The following CTNNA3 variants were observed in gnomAD, a reference collection of about 807,000 sequenced individuals.
CTNNA3 encodes the protein catenin alpha 3, also known as catenin alpha-3.
CTNNA3 carries 76 observed loss-of-function variants against 95.7 expected under a neutral mutation model. The ratio of observed to expected loss-of-function variants is 0.79; its 90% CI spans 0.66 to 0.96. CTNNA3 has a LOEUF of 0.96. Among genes scored for constraint, CTNNA3 ranks in the 40% least tolerant of loss-of-function variants. The pLI is 0.00. For synonymous variants in CTNNA3, 431 were observed against 374.4 expected (o/e 1.15, Z -1.74); for missense variants, 1,191 against 1,089.8 (o/e 1.09, Z -1.31).
At chr10:66,053,164 T>C (rs2079998732) in intron 15 of CTNNA3, among the ~76,000 whole-genome samples, 1 of 152,040 alleles carries the variant, frequency 6.6e-6, no homozygotes. Context: ...TGGTTTAGAA[T>C]ACACATTATC....
chr10:65,947,670 ATTAAAC>A, intron 17 of CTNNA3, among the ~76,000 whole-genome samples: 1 of 152,360 alleles, frequency 6.6e-6, no homozygotes, highest in East Asian at 1.9e-4. Flanking sequence ...ACCAACCTGT[ATTAAAC>A]TTAAACGCAA....
intron 15 of CTNNA3, among the ~76,000 whole-genome samples, chr10:66,022,010 C>T (rs917483458): frequency 6.6e-5 from 10 of 151,660 alleles, no homozygotes; most frequent in African/African-American, 2.2e-4. Context: ...GTGCCACCAC[C>T]CCTGGCCTAT....
chr10:66,210,991 G>T (rs2088117974), intron 13 of CTNNA3, among the ~76,000 whole-genome samples: 1 of 152,132 alleles, frequency 6.6e-6, no homozygotes, highest in East Asian at 1.9e-4. Flanking sequence ...CTCTCTGGGG[G>T]CATCTATAGG....
At chr10:67,264,698 C>T (rs1374075411) in intron 5 of CTNNA3, among the ~76,000 whole-genome samples, 1 of 152,116 alleles carries the variant, frequency 6.6e-6, no homozygotes, top group African/African-American at 2.4e-5. Flanking sequence ...CTCTTCTTCT[C>T]ATTATAGATA....
intron 3 of CTNNA3, among the ~76,000 whole-genome samples, chr10:67,555,352 C>A (rs1841200900): frequency 6.6e-6 from 1 of 152,118 alleles, no homozygotes; most frequent in African/African-American, 2.4e-5. Flanking sequence ...GGCAGTATGG[C>A]CATTTTCACG....
At chr10:66,442,352 GT>G (rs72110471) in intron 11 of CTNNA3, among the ~76,000 whole-genome samples, 57,993 of 151,246 alleles carry the variant, frequency 0.38, 11,643 homozygotes, top group African/African-American at 0.5. Context: ...TATGGATTAG[GT>G]TTTTTTTTCC....
intron 10 of CTNNA3, among the ~76,000 whole-genome samples, chr10:66,548,003 C>G (rs1453731638): frequency 6.6e-6 from 1 of 151,920 alleles, no homozygotes; most frequent in African/African-American, 2.4e-5. Context: ...ACAACCTCCA[C>G]CTCCTAGGTT....
chr10:66,441,237 T>C (rs1448719813), intron 11 of CTNNA3, among the ~76,000 whole-genome samples: 1 of 152,140 alleles, frequency 6.6e-6, no homozygotes, highest in Non-Finnish European at 1.5e-5. Context: ...TGATGGTGCT[T>C]GCTGTCTAAT....
chr10:65,938,405 T>C (rs908821186), intron 17 of CTNNA3, among the ~76,000 whole-genome samples: 4 of 151,562 alleles, frequency 2.6e-5, no homozygotes, highest in Non-Finnish European at 5.9e-5. Flanking sequence ...GTCAGAAAGA[T>C]GACAAAAAAA....
At chr10:65,955,491 T>G (rs979208868) in intron 17 of CTNNA3, among the ~76,000 whole-genome samples, 7 of 152,198 alleles carry the variant, frequency 4.6e-5, no homozygotes, top group African/African-American at 1.7e-4. Flanking sequence ...TGCTTCCAGT[T>G]GTTGCCCATT....
At chr10:67,158,477 G>A (rs1341930582) in intron 7 of CTNNA3, among the ~76,000 whole-genome samples, 3 of 152,114 alleles carry the variant, frequency 2.0e-5, no homozygotes, top group Non-Finnish European at 2.9e-5. Flanking sequence ...ATGGGCTCTC[G>A]ACTACTTGCT....
chr10:66,882,112 A>T (rs1844871812), intron 7 of CTNNA3, among the ~76,000 whole-genome samples: 2 of 152,068 alleles, frequency 1.3e-5, no homozygotes, highest in African/African-American at 4.8e-5. Flanking sequence ...AAAATGCCCT[A>T]TACATATCAA....
At chr10:67,056,926 T>C (rs1855468147) in intron 7 of CTNNA3, among the ~76,000 whole-genome samples, 1 of 152,162 alleles carries the variant, frequency 6.6e-6, no homozygotes, top group South Asian at 2.1e-4. Flanking sequence ...AATCTGCTCA[T>C]GCTCCTGGGT....
intron 10 of CTNNA3, among the ~76,000 whole-genome samples, chr10:66,611,282 T>C (rs2132286044): frequency 6.6e-6 from 1 of 152,232 alleles, no homozygotes; most frequent in Middle Eastern, 3.4e-3. Flanking sequence ...AAGTGAAGAA[T>C]TGTAGAGTCT....
intron 5 of CTNNA3, among the ~76,000 whole-genome samples, chr10:67,327,346 T>G (rs1397584460): frequency 1.3e-5 from 2 of 152,234 alleles, no homozygotes; most frequent in African/African-American, 4.8e-5. Flanking sequence ...CCTTCTCATC[T>G]TTGTGGACTT....
chr10:67,022,501 G>C (rs1853084991), intron 7 of CTNNA3, among the ~76,000 whole-genome samples: 1 of 152,084 alleles, frequency 6.6e-6, no homozygotes, highest in African/African-American at 2.4e-5. Flanking sequence ...AATTTTCAGA[G>C]ATGACAAAGG....
chr10:66,565,512 TA>T (rs1842678014), intron 10 of CTNNA3, among the ~76,000 whole-genome samples: 1 of 152,084 alleles, frequency 6.6e-6, no homozygotes, highest in Non-Finnish European at 1.5e-5. Flanking sequence ...AAGGGAAGGA[TA>T]GGGGAAATAT....
intron 7 of CTNNA3, among the ~76,000 whole-genome samples, chr10:66,919,975 A>T (rs967418472): frequency 3.9e-5 from 6 of 152,222 alleles, no homozygotes; most frequent in African/African-American, 1.2e-4. Flanking sequence ...TACACAGAAT[A>T]TCAATGGTGT....
intron 5 of CTNNA3, among the ~76,000 whole-genome samples, chr10:67,441,724 A>T (rs2132933568): frequency 6.6e-6 from 1 of 152,292 alleles, no homozygotes; most frequent in South Asian, 2.1e-4. Flanking sequence ...ATATCCTTCA[A>T]GCATGAAGGA....
Sources: allele counts gnomAD v4.1 joint callset (sites outside exome capture counted in the v4.1 genomes callset), GRCh38; gene constraint gnomAD v4.1.1; transcripts MANE v1.5; gene names NCBI Gene and HGNC (gene_info 2026-07-23, HGNC 2026-07-21).